THAP3: variants seen among roughly 807,000 people sequenced by gnomAD.
THAP3 encodes the protein THAP domain containing 3, also known as THAP domain-containing protein 3.
A neutral mutation model predicts 17.7 loss-of-function variants in THAP3; 12 were observed. The observed-to-expected ratio is 0.68, with a 90% confidence interval of 0.43 to 1.10. The LOEUF (loss-of-function observed/expected upper bound fraction) is 1.10, where lower values mean the gene tolerates loss of function less well. Among genes scored for constraint, THAP3 ranks in the 50% least tolerant of loss-of-function variants. The pLI, the probability that THAP3 is intolerant of heterozygous loss-of-function variation, is 0.00. For missense variants in THAP3, 289 were observed against 318.0 expected (o/e 0.91, Z 0.69); for synonymous variants, 133 against 126.9 (o/e 1.05, Z -0.32).
rs1422464675 is a variant in THAP3 at position 6,633,430 on chromosome 1, T to C, written c.*353T>C. On this transcript the variant is annotated 3_prime_UTR_variant, in exon 6 of 6. Transcript: ENST00000054650. ...GAGATGCTCCTCAGGGAGGAAGCCATGTGAGGGGGCTGGCTCTGTGGCGGG... is the reference window on the plus strand; with the variant it reads ...GAGATGCTCCTCAGGGAGGAAGCCACGTGAGGGGGCTGGCTCTGTGGCGGG... The C allele has an allele frequency of 4.3e-6, 5 of 1,174,332 alleles. No homozygotes were observed. The African/African-American group carries it at 4.7e-5, about 11-fold the overall frequency. 72.7% of individuals were successfully genotyped at this position (1,174,332 alleles called of 1,614,324 possible).
At position 6,624,934 on chromosome 1, in the gene THAP3, C is replaced by T. The variant is rs920845528; in HGVS notation, c.-90C>T. On this transcript the variant is annotated 5_prime_UTR_variant, in exon 1 of 6. Transcript: ENST00000054650. ...GTGCTCAAAGCAAGGAGGTGAAAGG[C>T]GACCAGCATTGGCGAATGGGGTAAG... 6.4e-6 allele frequency: 3 copies of T among 470,698 alleles called. No individual in the cohort carries two copies. The highest frequency in any genetic ancestry group is 6.3e-5 in the African/African-American group (3 of 47,558). The allele number at this position is 470,698 out of a possible 1,614,324, so 29.2% of individuals were successfully genotyped here. A position where few individuals can be genotyped will look rare whatever the true frequency, so the allele number is the denominator to read the frequency against.
chr1:6,630,285 T>C lies in THAP3; in HGVS notation c.268-3T>C, dbSNP rs764992181. 18 of 1,613,952 alleles carry C rather than the reference T, an allele frequency of 1.1e-5. No homozygotes were observed. The South Asian group carries it at 1.6e-4, about 15-fold the overall frequency. On this transcript the variant is annotated splice_region_variant and splice_polypyrimidine_tract_variant and intron_variant, in intron 3 of 5. Transcript: ENST00000054650. Reference sequence around the variant, plus strand: ...GCATCCACTCTGTGTGTGTCTCTTGTAGCAGGTGAGGGAGAACACAGACCC... The same window carrying C: ...GCATCCACTCTGTGTGTGTCTCTTGCAGCAGGTGAGGGAGAACACAGACCC...
At chr1:6,627,808 C>T (rs750426345) in intron 2 of THAP3, 1 of 152,314 alleles carries the variant, frequency 6.6e-6, no homozygotes, top group African/African-American at 2.4e-5. Context: ...AGTCTGCCCT[C>T]TCATTACCAC....
intron 2 of THAP3, among the ~76,000 whole-genome samples, chr1:6,626,025 C>T (rs1437187974): frequency 6.6e-6 from 1 of 152,162 alleles, no homozygotes; most frequent in East Asian, 1.9e-4. Flanking sequence ...GAAACGTTAC[C>T]AGCTGGGCGC....
At chr1:6,630,220 G>A (rs1641570909) in intron 3 of THAP3, 68 bp from the exon 4 acceptor site, 3 of 1,400,486 alleles carry the variant, frequency 2.1e-6, no homozygotes, top group Admixed American at 1.7e-5. Context: ...CAAGCATGAT[G>A]CCCGAGGCCT....
At chr1:6,634,303 G>A (rs910517195), downstream of THAP3, 7 of 936,338 alleles carry the variant, frequency 7.5e-6, no homozygotes, top group African/African-American at 6.6e-5. Flanking sequence ...CATGCAACAC[G>A]ACGCTCACCG....
At chr1:6,625,462 G>T (rs1227679415) in intron 2 of THAP3, among the ~76,000 whole-genome samples, 170 bp downstream of exon 2, 1 of 151,922 alleles carries the variant, frequency 6.6e-6, no homozygotes, top group Non-Finnish European at 1.5e-5. Context: ...CCGCCGCGGG[G>T]ATGCGGGGAG....
intron 5 of THAP3, 78 bp from the exon 6 acceptor site, chr1:6,632,718 C>G: frequency 6.4e-7 from 1 of 1,559,762 alleles, no homozygotes; most frequent in Non-Finnish European, 8.8e-7. Context: ...GTGCTGTGTG[C>G]GTGTCTGGTG....
intron 3 of THAP3, chr1:6,629,572 C>T (rs1164201017): frequency 6.5e-6 from 1 of 152,864 alleles, no homozygotes; most frequent in Non-Finnish European, 1.5e-5. Flanking sequence ...GCCCCTCAGT[C>T]TTCCTGGCCC....
downstream of THAP3, chr1:6,633,569 C>T (rs781089107): frequency 1.1e-4 from 115 of 1,062,016 alleles, no homozygotes; most frequent in Non-Finnish European, 1.1e-4. Flanking sequence ...TATACGGTGT[C>T]GCTCCCATCA....
intron 2 of THAP3, 28 bp from the exon 3 acceptor site, chr1:6,628,471 G>A: frequency 6.3e-7 from 1 of 1,581,848 alleles, no homozygotes; most frequent in South Asian, 1.2e-5. Flanking sequence ...GCCTTGCTGG[G>A]CCTCACACCC....
At position 6,632,821 on chromosome 1, in the gene THAP3, C is replaced by G; in HGVS notation, c.464C>G (p.Thr155Arg). Residue 155 changes from threonine to arginine, a missense_variant, in exon 6 of 6, where the codon ACA (threonine) becomes AGA (arginine). Thr to Arg is a moderately conservative substitution (Grantham distance 71). Coordinates refer to ENST00000054650, the MANE Select transcript of THAP3 (RefSeq NM_001195753.2). ...GTCTCGCCACGGAGGCCGCAAGCAA[C>G]AGAGGCTGTTGGCCGGCCGACTGGC... The part of the protein sequence containing the change: ...KQVSPRRPQA[T>R]EAVGRPTGPA... The G allele has an allele frequency of 1.2e-6, 2 of 1,612,950 alleles. No homozygotes were observed. The highest frequency in any genetic ancestry group is 1.7e-6 in the Non-Finnish European group (2 of 1,179,916).
chr1:6,626,558 C>G (rs1426366126), intron 2 of THAP3, among the ~76,000 whole-genome samples: 1 of 152,222 alleles, frequency 6.6e-6, no homozygotes, highest in Non-Finnish European at 1.5e-5. Context: ...GTTCTGGAGG[C>G]TGGGCGTGGT....
intron 5 of THAP3, 110 bp from the exon 6 acceptor site, chr1:6,632,686 A>G: frequency 1.4e-6 from 2 of 1,462,938 alleles, no homozygotes; most frequent in South Asian, 2.5e-5. Flanking sequence ...AGCAGCCCGG[A>G]GTGTCTAGCT....
downstream of THAP3, chr1:6,634,668 C>T (rs1226112794): frequency 1.5e-6 from 2 of 1,366,284 alleles, no homozygotes; most frequent in African/African-American, 3.0e-5. Context: ...AGCTCCGCTG[C>T]ATTCTGCATC....
At chr1:6,633,682 G>A (rs1641693197), downstream of THAP3, 6 of 753,656 alleles carry the variant, frequency 8.0e-6, no homozygotes, top group South Asian at 1.7e-4. Flanking sequence ...GCCGAGGTGG[G>A]GAGATCACTT....
intron 2 of THAP3, among the ~76,000 whole-genome samples, chr1:6,626,515 G>C (rs750416608): frequency 1.3e-5 from 2 of 152,220 alleles, no homozygotes; most frequent in Admixed American, 6.5e-5. Context: ...AAGGGCATTT[G>C]GGTGGCCCCA....
chr1:6,634,993 G>A, downstream of THAP3: 1 of 657,260 alleles, frequency 1.5e-6, no homozygotes, highest in Non-Finnish European at 2.1e-6. Context: ...GAAGCCACCT[G>A]TGTCAGGGCT....
Position 6,625,167 on chromosome 1 carries a change from A to C in THAP3, c.-52A>C, listed in dbSNP as rs905740610. 1 of 1,472,764 alleles carries C rather than the reference A, an allele frequency of 6.8e-7. No homozygotes were observed. The highest frequency in any genetic ancestry group is 9.1e-7 in the Non-Finnish European group (1 of 1,096,420). The allele number at this position is 1,472,764 out of a possible 1,614,324, so 91.2% of individuals were successfully genotyped here. ...CCCCGCAGGTCCCTCCCCTCTCCGCAGGCCCCGCCGCCGCCGCCATCTTTG... is the reference window on the plus strand; with the variant it reads ...CCCCGCAGGTCCCTCCCCTCTCCGCCGGCCCCGCCGCCGCCGCCATCTTTG... On this transcript the variant is annotated 5_prime_UTR_variant, in exon 2 of 6. Transcript: ENST00000054650.
Sources: gnomAD v4.1 joint callset for allele counts (sites outside exome capture counted in the v4.1 genomes callset) on GRCh38, gnomAD v4.1.1 for gene constraint, MANE v1.5 for transcripts, NCBI Gene and HGNC (gene_info 2026-07-23, HGNC 2026-07-21) for gene names.